The following TRARG1 variants were observed in gnomAD, a reference collection of about 807,000 sequenced individuals.
TRARG1 encodes the protein trafficking regulator of GLUT4 1.
In TRARG1, 16 loss-of-function variants were observed where a neutral mutation model predicts 13.3. The observed-to-expected ratio is 1.20, with a 90% CI of 0.81 to 1.83. The LOEUF is 1.83. TRARG1 is among the 40% of genes most tolerant of loss of function. The probability of loss-of-function intolerance (pLI) is 0.00; values close to 1 mark genes in which losing one functional copy is unlikely to be tolerated. For missense variants in TRARG1, 250 were observed against 237.4 expected (o/e 1.05, Z -0.35); for synonymous variants, 113 against 106.2 (o/e 1.06, Z -0.39).
At chr17:1,282,678 A>T (rs1598188203) in intron 1 of TRARG1, among the ~76,000 whole-genome samples, 1 of 147,678 alleles carries the variant, frequency 6.8e-6, no homozygotes, top group South Asian at 2.2e-4. Context: ...CTGTTTCTAT[A>T]TTCTTTAAAG....
At position 1,279,990 on chromosome 17, in the gene TRARG1, G is replaced by A. The variant is rs773927126; in HGVS notation, c.-12G>A. The stretch of plus-strand genomic sequence containing the variant: ...CAGCCTGGAGCTGCAGCCGCGCAAG[G>A]CCCAGGCCCCCATGGCCCACCCGGT... On this transcript the variant is annotated 5_prime_UTR_variant, in exon 1 of 3. Coordinates refer to ENST00000333813, the MANE Select transcript of TRARG1 (RefSeq NM_172367.3). The A allele has an allele frequency of 1.9e-6, 3 of 1,605,330 alleles. No individual in the cohort carries two copies. The highest frequency in any genetic ancestry group is 1.7e-4 in the Middle Eastern group (1 of 6,016).
At position 1,299,217 on chromosome 17, in the gene TRARG1, A is replaced by G. The variant is rs958970777; in HGVS notation, c.*953A>G. ...AGTTTCAGGCTTCCAGCCCAGCCCT[A>G]TGCTCTGTGCTTGGCCCTGGGCCCC... On this transcript the variant is annotated 3_prime_UTR_variant, in exon 3 of 3. Transcript: ENST00000333813. The G allele has an allele frequency of 6.6e-5, 10 of 152,458 alleles. 1 individual carries two copies. In the South Asian group the frequency reaches 8.3e-4, roughly 13 times the overall value. 9.4% of individuals were successfully genotyped at this position (152,458 alleles called of 1,614,324 possible).
At chr17:1,282,239 T>TATGTACATAC (rs2071984785) in intron 1 of TRARG1, among the ~76,000 whole-genome samples, 2 of 137,706 alleles carry the variant, frequency 1.5e-5, no homozygotes, top group Admixed American at 1.4e-4. Context: ...TATGTACGTA[T>TATGTACATAC]ATGCACGTAT....
intron 2 of TRARG1, among the ~76,000 whole-genome samples, chr17:1,297,765 G>A (rs1264116375): frequency 3.3e-5 from 5 of 151,872 alleles, no homozygotes; most frequent in South Asian, 4.2e-4. Context: ...CACCACGCCC[G>A]GTTAATTTTT....
At chr17:1,293,815 C>T (rs561675472) in intron 1 of TRARG1, among the ~76,000 whole-genome samples, 1 of 152,140 alleles carries the variant, frequency 6.6e-6, no homozygotes, top group African/African-American at 2.4e-5. Flanking sequence ...GTGAAGAGAA[C>T]AGGACCCCAA....
At chr17:1,280,452 A>C in intron 1 of TRARG1, 64 bp downstream of exon 1, 1 of 1,476,158 alleles carries the variant, frequency 6.8e-7, no homozygotes, top group Admixed American at 2.2e-5. Flanking sequence ...TGTTTCCCCC[A>C]GGCAGGCACC....
At chr17:1,292,531 C>G (rs1472929246) in intron 1 of TRARG1, among the ~76,000 whole-genome samples, 1 of 152,206 alleles carries the variant, frequency 6.6e-6, no homozygotes, top group Admixed American at 6.5e-5. Context: ...TCAGCCCCAG[C>G]AACGCTGACC....
In TRARG1 at chr17:1,300,760, C is replaced by G. The variant is rs151156090; in HGVS notation, c.*2496C>G. On this transcript the variant is annotated 3_prime_UTR_variant, in exon 3 of 3. Transcript: ENST00000333813. ...GAGGGTCCCCACAGCCCGTGCCCCACGCCGCCTGGAGGCCAGAGGGGTCAG... is the reference window on the plus strand; with the variant it reads ...GAGGGTCCCCACAGCCCGTGCCCCAGGCCGCCTGGAGGCCAGAGGGGTCAG... 3.9e-5 allele frequency: 6 copies of G among 152,440 alleles called. No individual in the cohort carries two copies. The highest frequency in any genetic ancestry group is 8.8e-5 in the Non-Finnish European group (6 of 68,202). The allele number at this position is 152,440 out of a possible 1,614,324, so 9.4% of individuals were successfully genotyped here. A position where few individuals can be genotyped will look rare whatever the true frequency, so the allele number is the denominator to read the frequency against.
chr17:1,280,302 C>T lies in TRARG1; in HGVS notation c.301C>T (p.Pro101Ser). The stretch of plus-strand genomic sequence containing the variant: ...CTCCTATGCCCAAGACCAAGAAGCC[C>T]CCAGAGATTACCTCATCCTGGCCGT... ...TTSYAQDQEA[P>S]RDYLILAVVA... Residue 101 changes from proline (P) to serine (S), a missense_variant, in exon 1 of 3, where the codon CCC (proline) becomes TCC (serine). Pro to Ser is a moderately conservative substitution (Grantham distance 74). Transcript: ENST00000333813. 6.2e-7 allele frequency: 1 copy of T among 1,614,002 alleles called. No homozygotes were observed. Among genetic ancestry groups the T allele is most frequent in the Non-Finnish European group, 8.5e-7 (1 of 1,179,982 alleles).
rs1216699513 is a variant in TRARG1 at position 1,295,741 on chromosome 17, G to A, written c.520+118G>A. 2.3e-5 allele frequency: 30 copies of A among 1,297,716 alleles called. No individual in the cohort carries two copies. In the Admixed American group the frequency reaches 3.4e-4, roughly 15 times the overall value. 80.4% of individuals were successfully genotyped at this position (1,297,716 alleles called of 1,614,324 possible). ...GTTGGGGGAAGGAGAAGGGCTGGTG[G>A]GGGCCCCGGCCTTATCCTCCCAGTC... On this transcript the variant is annotated intron_variant, in intron 2 of 2. Coordinates refer to ENST00000333813, the MANE Select transcript of TRARG1 (RefSeq NM_172367.3).
intron 2 of TRARG1, 37 bp from the exon 3 acceptor site, chr17:1,298,214 A>T (rs750685385): frequency 1.7e-5 from 27 of 1,613,582 alleles, no homozygotes; most frequent in East Asian, 4.5e-5. Context: ...CAGTGTTCTG[A>T]GCCCTGTTCT....
chr17:1,282,231 T>TGTGC (rs2071984317), intron 1 of TRARG1, among the ~76,000 whole-genome samples: 2 of 140,766 alleles, frequency 1.4e-5, no homozygotes, highest in African/African-American at 5.6e-5. Context: ...CGTGCGTATA[T>TGTGC]GTACGTATAT....
chr17:1,284,774 G>A (rs964242898), intron 1 of TRARG1, among the ~76,000 whole-genome samples: 3 of 151,848 alleles, frequency 2.0e-5, no homozygotes, highest in Non-Finnish European at 2.9e-5. Context: ...TCCACCTCCC[G>A]GGTTCACGCC....
Position 1,279,981 on chromosome 17 carries a change from C to A in TRARG1, c.-21C>A, listed in dbSNP as rs1262200468. The A allele has an allele frequency of 6.3e-7, 1 of 1,589,370 alleles. No homozygotes were observed. The highest frequency in any genetic ancestry group is 8.6e-7 in the Non-Finnish European group (1 of 1,166,648). ...CCCTTGTCCCAGCCTGGAGCTGCAG[C>A]CGCGCAAGGCCCAGGCCCCCATGGC... On this transcript the variant is annotated 5_prime_UTR_variant, in exon 1 of 3. Transcript: ENST00000333813.
At chr17:1,284,897 G>A (rs1157224940) in intron 1 of TRARG1, among the ~76,000 whole-genome samples, 1 of 151,856 alleles carries the variant, frequency 6.6e-6, no homozygotes, top group Non-Finnish European at 1.5e-5. Context: ...AGCCAGGATG[G>A]TCTCGATCTC....
Position 1,279,711 on chromosome 17 carries a change from G to C in TRARG1, c.-291G>C. On this transcript the variant is annotated 5_prime_UTR_variant, in exon 1 of 3. Coordinates refer to ENST00000333813, the MANE Select transcript of TRARG1 (RefSeq NM_172367.3). ...CTTTCCGTTGCTTCCCTGCCCATCTGTGCTCTCAGCAGCACCAGCAAAGTT... is the reference window on the plus strand; with the variant it reads ...CTTTCCGTTGCTTCCCTGCCCATCTCTGCTCTCAGCAGCACCAGCAAAGTT... 2.4e-6 allele frequency: 1 copy of C among 413,800 alleles called. No individual in the cohort carries two copies. Among genetic ancestry groups the C allele is most frequent in the Admixed American group, 4.0e-5 (1 of 25,186 alleles). The allele number at this position is 413,800 out of a possible 1,614,324, so 25.6% of individuals were successfully genotyped here.
At chr17:1,285,931 G>A (rs774465150) in intron 1 of TRARG1, among the ~76,000 whole-genome samples, 4 of 152,136 alleles carry the variant, frequency 2.6e-5, no homozygotes, top group Admixed American at 6.6e-5. Flanking sequence ...AGGAGGGAGC[G>A]GCCAGCTCCG....
In TRARG1 at chr17:1,293,773, G is replaced by A. The variant is rs148276995; in HGVS notation, c.388-1718G>A. Among the ~76,000 whole-genome samples the A allele has an allele frequency of 3.2e-4, 48 of 152,254 alleles. 1 individual carries two copies. In the East Asian group the frequency reaches 5.0e-3, roughly 16 times the overall value. On this transcript the variant is annotated intron_variant, in intron 1 of 2. Transcript: ENST00000333813. ...GACGGAGCTTGGAATGGAAGTGCAGGGCTGGGTGCAGGCTGGTCAGAATTT... is the reference window on the plus strand; with the variant it reads ...GACGGAGCTTGGAATGGAAGTGCAGAGCTGGGTGCAGGCTGGTCAGAATTT...
Position 1,295,351 on chromosome 17 carries a change from C to A in TRARG1, c.388-140C>A. 6 of 1,125,428 alleles carry A rather than the reference C, an allele frequency of 5.3e-6. No individual in the cohort carries two copies. In the South Asian group the frequency reaches 9.4e-5, roughly 18 times the overall value. The allele number at this position is 1,125,428 out of a possible 1,614,324, so 69.7% of individuals were successfully genotyped here. On this transcript the variant is annotated intron_variant, in intron 1 of 2. Transcript: ENST00000333813. ...CTCCGGGGACAGCCCTCTTCCTCTC[C>A]CCTAGAGTGTGGGCTGCCATGGGGA...
Sources: gnomAD v4.1 joint callset for allele counts (sites outside exome capture counted in the v4.1 genomes callset) on GRCh38, gnomAD v4.1.1 for gene constraint, MANE v1.5 for transcripts, NCBI Gene and HGNC (gene_info 2026-07-23, HGNC 2026-07-21) for gene names.